Variants in DCC observed in about 807,000 individuals in gnomAD.
DCC encodes the protein DCC netrin 1 receptor, also known as netrin receptor DCC.
Under a neutral mutation model 172.5 loss-of-function variants are expected in DCC, and 58 were observed. That is an observed-to-expected ratio of 0.34 (90% confidence interval 0.27 to 0.42). DCC has a LOEUF of 0.42. DCC is among the 10% of genes least tolerant of loss of function. DCC has a pLI of 1.00. For synonymous variants in DCC, 709 were observed against 644.5 expected, an observed-to-expected ratio of 1.10 and a Z score of -1.52; for missense variants, 1,740 against 1,791.0, an observed-to-expected ratio of 0.97 and a Z score of 0.51.
intron 3 of DCC, among the ~76,000 whole-genome samples, chr18:52,909,716 T>A (rs895174262): frequency 2.0e-5 from 3 of 152,182 alleles, no homozygotes; most frequent in Non-Finnish European, 4.4e-5. Flanking sequence ...GTAAATACTT[T>A]ATTCAATTAA....
At chr18:52,571,732 C>A (rs925924229) in intron 1 of DCC, among the ~76,000 whole-genome samples, 2 of 152,140 alleles carry the variant, frequency 1.3e-5, no homozygotes, top group Non-Finnish European at 2.9e-5. Context: ...AGATCAGATC[C>A]ATACCAGGGA....
intron 1 of DCC, among the ~76,000 whole-genome samples, chr18:52,718,021 A>T (rs564715386): frequency 6.6e-6 from 1 of 152,348 alleles, no homozygotes; most frequent in African/African-American, 2.4e-5. Context: ...AGCTCAGGAG[A>T]TTAGCTGCCA....
intron 1 of DCC, among the ~76,000 whole-genome samples, chr18:52,596,759 A>G (rs376810274): frequency 6.6e-6 from 1 of 152,186 alleles, no homozygotes; most frequent in East Asian, 1.9e-4. Flanking sequence ...CTGGCTATAC[A>G]TATGCAGGGT....
intron 5 of DCC, among the ~76,000 whole-genome samples, chr18:52,961,611 T>C (rs1174312909): frequency 6.6e-6 from 1 of 152,192 alleles, no homozygotes; most frequent in Non-Finnish European, 1.5e-5. Flanking sequence ...TGGCTATGCC[T>C]CCCTGCACAA....
intron 5 of DCC, among the ~76,000 whole-genome samples, chr18:53,014,433 TCCCCCCTC>T (rs2041777315): frequency 5.4e-5 from 2 of 36,800 alleles, no homozygotes; most frequent in Non-Finnish European, 1.1e-4. Context: ...CCCTCCCCCC[TCCCCCCTC>T]CCCCCACCCC....
chr18:52,952,008 A>T (rs1227451533), intron 5 of DCC, among the ~76,000 whole-genome samples: 1 of 152,182 alleles, frequency 6.6e-6, no homozygotes, highest in Non-Finnish European at 1.5e-5. Flanking sequence ...ATAGATGTAG[A>T]TAAAATTATT....
At chr18:52,843,215 G>C (rs941249545) in intron 2 of DCC, among the ~76,000 whole-genome samples, 4 of 152,188 alleles carry the variant, frequency 2.6e-5, no homozygotes, top group Non-Finnish European at 2.9e-5. Flanking sequence ...CAACTAGACT[G>C]TGTTTATGCA....
intron 14 of DCC, among the ~76,000 whole-genome samples, chr18:53,337,316 A>T (rs189631386): frequency 6.6e-5 from 10 of 152,354 alleles, no homozygotes; most frequent in Non-Finnish European, 1.5e-4. Flanking sequence ...GTGTACGATT[A>T]GGCAGATTAT....
intron 9 of DCC, among the ~76,000 whole-genome samples, chr18:53,180,491 T>C (rs922365992): frequency 1.3e-5 from 2 of 152,114 alleles, no homozygotes; most frequent in Non-Finnish European, 2.9e-5. Flanking sequence ...ATTAAGATTA[T>C]GGGATGGCTA....
chr18:53,360,897 A>G (rs1376662424), intron 15 of DCC, among the ~76,000 whole-genome samples: 1 of 152,164 alleles, frequency 6.6e-6, no homozygotes. Flanking sequence ...ATGCTTCTTT[A>G]AAAGGTGTAC....
intron 1 of DCC, among the ~76,000 whole-genome samples, chr18:52,741,758 C>A (rs946178329): frequency 6.6e-6 from 1 of 152,240 alleles, no homozygotes; most frequent in Non-Finnish European, 1.5e-5. Flanking sequence ...TCCAACCCAG[C>A]TATTCCTGGG....
At chr18:52,491,353 G>T (rs1598859678) in intron 1 of DCC, among the ~76,000 whole-genome samples, 1 of 152,118 alleles carries the variant, frequency 6.6e-6, no homozygotes, top group Non-Finnish European at 1.5e-5. Context: ...ATTGCAAACT[G>T]TGGTATGATA....
At chr18:53,445,264 A>G (rs576458353) in intron 22 of DCC, among the ~76,000 whole-genome samples, 1 of 152,362 alleles carries the variant, frequency 6.6e-6, no homozygotes, top group African/African-American at 2.4e-5. Context: ...TTATAAAATT[A>G]TTAAGACATA....
chr18:52,986,792 T>C (rs1230398810), intron 5 of DCC, among the ~76,000 whole-genome samples: 1 of 151,326 alleles, frequency 6.6e-6, no homozygotes, highest in Non-Finnish European at 1.5e-5. Flanking sequence ...TGCATATATA[T>C]ACACACACGT....
At chr18:53,096,657 G>A (rs2043092169) in intron 7 of DCC, among the ~76,000 whole-genome samples, 1 of 152,048 alleles carries the variant, frequency 6.6e-6, no homozygotes, top group Non-Finnish European at 1.5e-5. Flanking sequence ...GAAGTTTATA[G>A]CCTCATAGTG....
chr18:53,303,242 C>T (rs902204082), intron 12 of DCC, among the ~76,000 whole-genome samples: 2 of 152,054 alleles, frequency 1.3e-5, no homozygotes, highest in African/African-American at 4.8e-5. Flanking sequence ...TTAATTTGTG[C>T]AATCAAATTA....
At chr18:52,727,548 C>T (rs903588438) in intron 1 of DCC, among the ~76,000 whole-genome samples, 34 of 152,150 alleles carry the variant, frequency 2.2e-4, no homozygotes, top group Admixed American at 1.7e-3. Context: ...TGCAGTTGGA[C>T]ATTAAACATT....
intron 7 of DCC, among the ~76,000 whole-genome samples, chr18:53,120,606 G>A (rs1335001668): frequency 6.6e-6 from 1 of 151,864 alleles, no homozygotes; most frequent in South Asian, 2.1e-4. Context: ...AATAAGCCCA[G>A]TAAAGATGAT....
rs530668624 is a variant in DCC, at chr18:53,088,078, C to T, written c.1261+21912C>T. On this transcript the variant is annotated intron_variant, in intron 7 of 28. Transcript: ENST00000442544. ...TTCTTTTGGCTTAGGATTGACTTAG[C>T]GATGCGGGCTCTTTTTTGGTTCCAT... Among the ~76,000 whole-genome samples, 14 of 152,244 alleles carry T rather than the reference C, an allele frequency of 9.2e-5. No individual in the cohort carries two copies. The South Asian group carries it at 1.2e-3, about 14-fold the overall frequency.
Sources: allele counts gnomAD v4.1 joint callset (sites outside exome capture counted in the v4.1 genomes callset), GRCh38; gene constraint gnomAD v4.1.1; transcripts MANE v1.5; gene names NCBI Gene and HGNC (gene_info 2026-07-23, HGNC 2026-07-21).